LRP1B: variants seen among roughly 807,000 people sequenced by gnomAD.
LRP1B encodes low-density lipoprotein receptor-related protein 1B.
Under a neutral mutation model 556.6 loss-of-function variants are expected in LRP1B, and 217 were observed. That is an observed-to-expected ratio of 0.39 (90% CI 0.35 to 0.44). The LOEUF (loss-of-function observed/expected upper bound fraction) is 0.44, where lower values mean the gene tolerates loss of function less well. Among genes scored for constraint, LRP1B ranks in the 20% least tolerant of loss-of-function variants. The probability of loss-of-function intolerance (pLI) is 1.00; values close to 1 mark genes in which losing one functional copy is unlikely to be tolerated. For missense variants in LRP1B, 5,053 were observed against 5,620.8 expected, an observed-to-expected ratio of 0.90 and a Z score of 3.23; for synonymous variants, 2,047 against 1,865.8, an observed-to-expected ratio of 1.10 and a Z score of -2.50.
chr2:141,637,005 T>C (rs770863207), intron 2 of LRP1B, among the ~76,000 whole-genome samples: 9 of 152,138 alleles, frequency 5.9e-5, no homozygotes, highest in Non-Finnish European at 1.0e-4. Context: ...AAAGAGAGGC[T>C]TAAATGTTTT....
In LRP1B at chr2:140,628,817, G is replaced by T. The variant is rs75196294; in HGVS notation, c.6800-27178C>A. Reference sequence around the variant, plus strand: ...GGATCATGGAGGTGAATTTCCCTTTGCTGTTCCCATGATAATGAGTTCTCA... The same window carrying T: ...GGATCATGGAGGTGAATTTCCCTTTTCTGTTCCCATGATAATGAGTTCTCA... On this transcript the variant is annotated intron_variant, in intron 41 of 90. Coordinates refer to ENST00000389484, the MANE Select transcript of LRP1B (RefSeq NM_018557.3). Among the ~76,000 whole-genome samples the T allele has an allele frequency of 6.2e-3, 942 of 152,122 alleles. 13 individuals carry two copies. The highest frequency in any genetic ancestry group is 0.021 in the African/African-American group (885 of 41,492).
intron 1 of LRP1B, among the ~76,000 whole-genome samples, chr2:141,884,099 G>C (rs1468353850): frequency 1.3e-5 from 2 of 152,150 alleles, no homozygotes; most frequent in Non-Finnish European, 2.9e-5. Context: ...AATGGGCTGG[G>C]TGTGGTTGCT....
intron 3 of LRP1B, among the ~76,000 whole-genome samples, chr2:141,420,511 T>C (rs1401943063): frequency 6.6e-6 from 1 of 152,102 alleles, no homozygotes; most frequent in South Asian, 2.1e-4. Flanking sequence ...AGCTCGTAAG[T>C]TTTTGCTCTC....
chr2:141,325,245 C>T (rs1018164286), intron 3 of LRP1B, among the ~76,000 whole-genome samples: 6 of 151,978 alleles, frequency 3.9e-5, no homozygotes, highest in Non-Finnish European at 8.8e-5. Flanking sequence ...TAAACGTGGA[C>T]TTTGGGCAGA....
rs890728558 is a variant in LRP1B, at chr2:140,315,492, A to G, written c.12641-393T>C. 6.6e-5 allele frequency among the ~76,000 whole-genome samples: 10 copies of G among 152,120 alleles called. No individual in the cohort carries two copies. In the East Asian group the frequency reaches 1.2e-3, roughly 18 times the overall value. On this transcript the variant is annotated intron_variant, in intron 82 of 90. Transcript: ENST00000389484. The stretch of plus-strand genomic sequence containing the variant: ...CAGTGGCATGATCACAGCTCACTGC[A>G]GCCTCAACTTCCTGGGCTCCAGTGA...
intron 1 of LRP1B, among the ~76,000 whole-genome samples, chr2:142,027,117 T>C (rs1703533599): frequency 6.6e-6 from 1 of 151,978 alleles, no homozygotes; most frequent in Admixed American, 6.6e-5. Flanking sequence ...GCTTTGTGGG[T>C]GCATTGTAAG....
intron 84 of LRP1B, among the ~76,000 whole-genome samples, chr2:140,291,298 T>TTTTATATA (rs1683362734): frequency 1.4e-5 from 1 of 72,000 alleles, no homozygotes; most frequent in Non-Finnish European, 3.6e-5. Context: ...AAATTTTATT[T>TTTTATATA]TATATATATA....
At chr2:140,399,268 G>A (rs77079108) in intron 66 of LRP1B, among the ~76,000 whole-genome samples, 43 of 151,470 alleles carry the variant, frequency 2.8e-4, no homozygotes, top group South Asian at 1.2e-3. Flanking sequence ...TTTACTTTTC[G>A]TGTATAGATT....
intron 6 of LRP1B, among the ~76,000 whole-genome samples, chr2:141,226,117 T>TC (rs68176365): frequency 0.21 from 27,046 of 131,418 alleles, 2,861 homozygotes; most frequent in African/African-American, 0.3. Flanking sequence ...GTCTCAATTT[T>TC]CCCCCCCAAA....
chr2:142,124,004 TGAGTA>T (rs1292150779), intron 1 of LRP1B, among the ~76,000 whole-genome samples: 5 of 151,936 alleles, frequency 3.3e-5, no homozygotes, highest in South Asian at 2.1e-4. Flanking sequence ...TAAACAAATA[TGAGTA>T]GAGTTATTGA....
chr2:141,979,392 T>C (rs1382441775), intron 1 of LRP1B, among the ~76,000 whole-genome samples: 2 of 152,154 alleles, frequency 1.3e-5, no homozygotes, highest in African/African-American at 2.4e-5. Context: ...TTAACACTTA[T>C]ATTGATGTAA....
At chr2:141,763,001 G>A (rs1001542701) in intron 2 of LRP1B, among the ~76,000 whole-genome samples, 19 of 152,308 alleles carry the variant, frequency 1.2e-4, no homozygotes, top group Middle Eastern at 3.4e-3. Context: ...CATCTTAGGT[G>A]CAAGTTGTAA....
chr2:141,190,478 T>C (rs185568686), intron 6 of LRP1B, among the ~76,000 whole-genome samples: 5 of 152,130 alleles, frequency 3.3e-5, no homozygotes, highest in Admixed American at 2.6e-4. Flanking sequence ...AATTTGTAGA[T>C]ACTTCTCTGA....
At chr2:141,480,125 T>C (rs568263110) in intron 3 of LRP1B, among the ~76,000 whole-genome samples, 1 of 152,158 alleles carries the variant, frequency 6.6e-6, no homozygotes, top group African/African-American at 2.4e-5. Flanking sequence ...ATGAAACATA[T>C]AATTGTTTAA....
chr2:141,141,776 A>G (rs1701658492), intron 7 of LRP1B, among the ~76,000 whole-genome samples: 2 of 152,216 alleles, frequency 1.3e-5, no homozygotes, highest in Non-Finnish European at 1.5e-5. Context: ...ATTTTTGTCA[A>G]TGAAGACATA....
Position 140,903,511 on chromosome 2 carries a change from T to C in LRP1B, c.3521-346A>G, listed in dbSNP as rs1694161978. Reference sequence around the variant, plus strand: ...TGAGCCTTTTAGCAGTGGTGCAAAATAATTTGTAGAGGTCTTCCAAAAAAG... The same window carrying C: ...TGAGCCTTTTAGCAGTGGTGCAAAACAATTTGTAGAGGTCTTCCAAAAAAG... On this transcript the variant is annotated intron_variant, in intron 22 of 90. Transcript: ENST00000389484. Among the ~76,000 whole-genome samples the C allele has an allele frequency of 2.6e-5, 4 of 152,146 alleles. No individual in the cohort carries two copies. In the South Asian group the frequency reaches 8.3e-4, roughly 32 times the overall value.
chr2:141,096,629 GGAGAGAGA>G (rs756327718), intron 7 of LRP1B, among the ~76,000 whole-genome samples: 104 of 59,722 alleles, frequency 1.7e-3, no homozygotes, highest in East Asian at 0.012. Flanking sequence ...GGGGAGAGGG[GGAGAGAGA>G]GAGAGAGAGA....
At chr2:141,453,002 G>T (rs1681481262) in intron 3 of LRP1B, among the ~76,000 whole-genome samples, 1 of 152,130 alleles carries the variant, frequency 6.6e-6, no homozygotes, top group African/African-American at 2.4e-5. Flanking sequence ...CTGGGAGGCT[G>T]AGGTCGGCAG....
chr2:141,374,272 G>A (rs1029794766), intron 3 of LRP1B, among the ~76,000 whole-genome samples: 1 of 151,944 alleles, frequency 6.6e-6, no homozygotes, highest in Admixed American at 6.6e-5. Flanking sequence ...TCCTGTATAG[G>A]TGACTAGATA....
Sources: allele counts gnomAD v4.1 joint callset (sites outside exome capture counted in the v4.1 genomes callset), GRCh38; gene constraint gnomAD v4.1.1; transcripts MANE v1.5; gene names NCBI Gene and HGNC (gene_info 2026-07-23, HGNC 2026-07-21).